The following RBM26 variants were observed in gnomAD, a reference collection of about 807,000 sequenced individuals.
RBM26 encodes RNA-binding protein 26.
A neutral mutation model predicts 123.6 loss-of-function variants in RBM26; 30 were observed. That is an observed-to-expected ratio of 0.24 (90% CI 0.18 to 0.33). RBM26 has a LOEUF of 0.33. Ranked by LOEUF, RBM26 falls within the 10% of genes least tolerant of loss-of-function variation. The probability of loss-of-function intolerance (pLI) is 1.00; values close to 1 mark genes in which losing one functional copy is unlikely to be tolerated. For missense variants in RBM26, 947 were observed against 1,203.6 expected (o/e 0.79, Z 3.15); for synonymous variants, 400 against 404.4 (o/e 0.99, Z 0.13).
intron 9 of RBM26, among the ~76,000 whole-genome samples, chr13:79,362,784 T>C (rs922636974): frequency 6.6e-6 from 1 of 152,190 alleles, no homozygotes; most frequent in African/African-American, 2.4e-5. Context: ...CCTCCAGTAA[T>C]TGAAATGGGT....
chr13:79,336,731 C>G (rs1423415623), intron 19 of RBM26, among the ~76,000 whole-genome samples: 1 of 152,158 alleles, frequency 6.6e-6, no homozygotes, highest in Non-Finnish European at 1.5e-5. Flanking sequence ...ATCAAGAATA[C>G]ATTTTTAACA....
chr13:79,387,058 T>C (rs2077557802), intron 1 of RBM26, among the ~76,000 whole-genome samples: 1 of 152,110 alleles, frequency 6.6e-6, no homozygotes, highest in South Asian at 2.1e-4. Flanking sequence ...AATTTTCTGA[T>C]ACGGTTACCA....
Position 79,378,877 on chromosome 13 carries a change from T to G in RBM26, c.102A>C (p.Lys34Asn). ...ICDADPSALAKYVLALVKKDK... is the reference protein window; with the variant it reads ...ICDADPSALANYVLALVKKDK... The stretch of plus-strand genomic sequence containing the variant: ...CTTTCTTTACCAAAGCCAGAACATA[T>G]TTTGCTAGGGCGGATGGATCTGCAT... Residue 34 changes from lysine to asparagine, a missense_variant, in exon 2 of 22, where the codon AAA becomes AAC. This residue lies in a region of RBM26 where 275 missense variants were observed against 361.0 expected (regional missense o/e 0.76). Coordinates refer to ENST00000438737, the MANE Select transcript of RBM26 (RefSeq NM_001366735.2). 1.2e-6 allele frequency: 2 copies of G among 1,613,528 alleles called. No individual in the cohort carries two copies. The highest frequency in any genetic ancestry group is 2.2e-5 in the South Asian group (2 of 91,038).
chr13:79,323,437 C>G (rs7330882), intron 20 of RBM26, among the ~76,000 whole-genome samples: 99 of 151,544 alleles, frequency 6.5e-4, no homozygotes, highest in African/African-American at 2.2e-3. Flanking sequence ...AAATGCTGCT[C>G]AGAGAATTTT....
chr13:79,368,216 G>A (rs1211307671), intron 6 of RBM26, among the ~76,000 whole-genome samples: 1 of 152,024 alleles, frequency 6.6e-6, no homozygotes, highest in African/African-American at 2.4e-5. Context: ...AGTAGAGACG[G>A]GGTTGCATAC....
rs535053978 is a variant in RBM26 at position 79,331,128 on chromosome 13, A to T, written c.2820+3216T>A. ...TGGGCTCAGGTGATCCTCCCACCTT[A>T]GCCTCGCAAACAGCTGGGACTGCAG... On this transcript the variant is annotated intron_variant, in intron 20 of 21. Transcript: ENST00000438737. Among the ~76,000 whole-genome samples, 26 of 152,114 alleles carry T rather than the reference A, an allele frequency of 1.7e-4. No homozygotes were observed. The Middle Eastern group carries it at 0.014, about 80-fold the overall frequency.
chr13:79,377,476 T>C lies in RBM26; in HGVS notation c.230A>G (p.Asn77Ser), dbSNP rs1317259721. 6.2e-7 allele frequency: 1 copy of C among 1,613,060 alleles called. No individual in the cohort carries two copies. The highest frequency in any genetic ancestry group is 1.1e-5 in the South Asian group (1 of 91,064). The change falls in exon 3 of 22, where the codon AAT (asparagine) becomes AGT (serine). Residue 77 changes from asparagine to serine, a missense_variant. Transcript: ENST00000438737. ...TGGAGGAGGTAGGTAACTCTTTGTA[T>C]TCACAGCATCAAAAAGTTTTTCCAC... is the stretch of plus-strand genomic sequence containing the variant. Reference protein sequence around the residue: ...IFVEKLFDAVNTKSYLPPPEQ... With the variant: ...IFVEKLFDAVSTKSYLPPPEQ...
At chr13:79,404,255 T>C (rs757698016) in intron 1 of RBM26, among the ~76,000 whole-genome samples, 7 of 152,196 alleles carry the variant, frequency 4.6e-5, no homozygotes, top group Admixed American at 6.5e-5. Context: ...GCTTGGGTTA[T>C]CTAAGGCACC....
chr13:79,315,015 A>T, downstream of RBM26: 3 of 1,284,000 alleles, frequency 2.3e-6, no homozygotes, highest in South Asian at 1.3e-5. Flanking sequence ...GAAGACTATT[A>T]AAAAAAACTT....
chr13:79,319,406 A>G lies in RBM26; in HGVS notation c.*1215T>C. 1.0e-6 allele frequency: 1 copy of G among 984,610 alleles called. No homozygotes were observed. The highest frequency in any genetic ancestry group is 1.2e-6 in the Non-Finnish European group (1 of 829,398). The allele number at this position is 984,610 out of a possible 1,614,324, so 61.0% of individuals were successfully genotyped here. A position where few individuals can be genotyped will look rare whatever the true frequency, so the allele number is the denominator to read the frequency against. On this transcript the variant is annotated 3_prime_UTR_variant, in exon 22 of 22. Transcript: ENST00000438737. ...TTTATTTCCTGGAAACTGCCATATC[A>G]ACTTTCAATGATCATGTTCACTTGC...
rs1351990780 is a variant in RBM26 at position 79,368,945 on chromosome 13, G to A, written c.680C>T (p.Pro227Leu). The A allele has an allele frequency of 8.1e-6, 13 of 1,610,574 alleles. No individual in the cohort carries two copies. Among genetic ancestry groups the A allele is most frequent in the Non-Finnish European group, 7.6e-6 (9 of 1,177,136 alleles). ...GACTGGAGTATAATTATTTTCTAATGGATCTGTTCTATCCAGGTCATATTT... is the reference window on the plus strand; with the variant it reads ...GACTGGAGTATAATTATTTTCTAATAGATCTGTTCTATCCAGGTCATATTT... Reference protein sequence around the residue: ...KPKYDLDRTDPLENNYTPVSS... With the variant: ...KPKYDLDRTDLLENNYTPVSS... Residue 227 changes from proline to leucine, a missense_variant, in exon 6 of 22, where the codon CCA (proline) becomes CTA (leucine). Around this residue, in one of 5 missense-constraint regions of RBM26, gnomAD observed 275 missense variants for 361.0 expected, o/e 0.76. Transcript: ENST00000438737.
At chr13:79,337,382 A>C in intron 18 of RBM26, 80 bp from the exon 19 acceptor site, 1 of 1,491,344 alleles carries the variant, frequency 6.7e-7, no homozygotes, top group East Asian at 2.3e-5. Flanking sequence ...GCAGATGAAT[A>C]AAACTTTAAT....
chr13:79,361,894 T>C (rs1403911201), intron 9 of RBM26, among the ~76,000 whole-genome samples: 1 of 152,154 alleles, frequency 6.6e-6, no homozygotes, highest in Non-Finnish European at 1.5e-5. Flanking sequence ...TCAGTGGGGA[T>C]GGGGAGAGGA....
chr13:79,375,069 A>AAATATTATATT (rs2076523219), intron 3 of RBM26, among the ~76,000 whole-genome samples: 1 of 129,842 alleles, frequency 7.7e-6, no homozygotes, highest in East Asian at 2.1e-4. Flanking sequence ...ATTTTTATAT[A>AAATATTATATT]TTTATATGAT....
rs141774448 is a variant in RBM26, at chr13:79,365,954, T to C, written c.1276+101A>G. On this transcript the variant is annotated intron_variant, in intron 8 of 21. Coordinates refer to ENST00000438737, the MANE Select transcript of RBM26 (RefSeq NM_001366735.2). ...ATTCACCACGGCTACATAATTTTAGTGAGAAAAGTAGTCCTCACAGAGCAA... is the reference window on the plus strand; with the variant it reads ...ATTCACCACGGCTACATAATTTTAGCGAGAAAAGTAGTCCTCACAGAGCAA... 4,245 of 1,177,076 alleles carry C rather than the reference T, an allele frequency of 3.6e-3. 79 individuals are homozygous for C. The highest frequency in any genetic ancestry group is 0.033 in the East Asian group (1,379 of 42,090). The allele number at this position is 1,177,076 out of a possible 1,614,324, so 72.9% of individuals were successfully genotyped here.
At chr13:79,346,015 A>G (rs1286435806) in intron 14 of RBM26, among the ~76,000 whole-genome samples, 1 of 152,206 alleles carries the variant, frequency 6.6e-6, no homozygotes, top group African/African-American at 2.4e-5. Flanking sequence ...TGAACACTGC[A>G]ATTTTTCTAA....
chr13:79,325,248 AT>A lies in RBM26; in HGVS notation c.2821-2787del, dbSNP rs567979411. Among the ~76,000 whole-genome samples, 655 of 152,066 alleles carry A rather than the reference AT, an allele frequency of 4.3e-3. 3 individuals carry two copies. The highest frequency in any genetic ancestry group is 0.02 in the South Asian group (97 of 4,824). On this transcript the variant is annotated intron_variant, in intron 20 of 21. Transcript: ENST00000438737. ...TATCATTATTTTAGAGTGTACTCTA[AT>A]TTTTTTTAAGTTAATTATAAAACAG...
chr13:79,357,345 TTATAAAA>T (rs1486334468), intron 11 of RBM26, among the ~76,000 whole-genome samples: 1 of 152,018 alleles, frequency 6.6e-6, no homozygotes, highest in African/African-American at 2.4e-5. Context: ...TTTTATTAAA[TTATAAAA>T]TATAATTATT....
intron 1 of RBM26, among the ~76,000 whole-genome samples, chr13:79,384,826 G>A (rs2077352610): frequency 1.3e-5 from 2 of 152,172 alleles, no homozygotes. Flanking sequence ...CACACCCATA[G>A]TGTGTTTTAG....
Sources: allele counts gnomAD v4.1 joint callset (sites outside exome capture counted in the v4.1 genomes callset), GRCh38; gene constraint gnomAD v4.1.1; regional missense constraint gnomAD v4.1.1; transcripts MANE v1.5; gene names NCBI Gene and HGNC (gene_info 2026-07-23, HGNC 2026-07-21).